Variants in PAPSS1 observed in about 807,000 individuals in gnomAD.
PAPSS1 encodes the protein bifunctional 3'-phosphoadenosine 5'-phosphosulfate synthase 1.
PAPSS1 carries 50 observed loss-of-function variants against 72.0 expected under a neutral mutation model. That is an observed-to-expected ratio of 0.69 (90% confidence interval 0.55 to 0.88). PAPSS1 has a LOEUF of 0.88. Ranked by LOEUF, PAPSS1 falls within the 40% of genes least tolerant of loss-of-function variation. PAPSS1 has a pLI of 0.00. For missense variants in PAPSS1, 657 were observed against 782.2 expected (o/e 0.84, Z 1.91); for synonymous variants, 261 against 263.6 (o/e 0.99, Z 0.09).
At position 107,706,212 on chromosome 4, in the gene PAPSS1, T is replaced by G. The variant is rs186494801; in HGVS notation, c.61-4927A>C. Among the ~76,000 whole-genome samples the G allele has an allele frequency of 2.6e-5, 4 of 152,314 alleles. No homozygotes were observed. In the East Asian group the frequency reaches 7.7e-4, roughly 29 times the overall value. ...CCCAGATTTGGAAAGTTTTCTGTTG[T>G]TATTTAAATAAGCTTTGTAACCCTC... On this transcript the variant is annotated intron_variant, in intron 1 of 11. Transcript: ENST00000265174.
At chr4:107,704,085 G>A (rs1390602928) in intron 1 of PAPSS1, among the ~76,000 whole-genome samples, 3 of 151,992 alleles carry the variant, frequency 2.0e-5, no homozygotes, top group East Asian at 3.9e-4. Flanking sequence ...GTATTCCCAA[G>A]TATTTTATTT....
At chr4:107,638,151 T>C (rs1394444292) in intron 10 of PAPSS1, among the ~76,000 whole-genome samples, 1 of 152,218 alleles carries the variant, frequency 6.6e-6, no homozygotes, top group African/African-American at 2.4e-5. Flanking sequence ...TTAAGTTCTA[T>C]TACTCTGTAC....
In PAPSS1 at chr4:107,701,315, T is replaced by C. The variant is rs767466665; in HGVS notation, c.61-30A>G. On this transcript the variant is annotated intron_variant, in intron 1 of 11. Coordinates refer to ENST00000265174, the MANE Select transcript of PAPSS1 (RefSeq NM_005443.5). Reference sequence around the variant, plus strand: ...AAAAAAAAGAAAAAAAAAATTCTAGTTTACATGAGTCCTTTAAAAGGCAAA... The same window carrying C: ...AAAAAAAAGAAAAAAAAAATTCTAGCTTACATGAGTCCTTTAAAAGGCAAA... 1.6e-5 allele frequency: 23 copies of C among 1,433,600 alleles called. No individual in the cohort carries two copies. In the South Asian group the frequency reaches 2.6e-4, roughly 16 times the overall value. 88.8% of individuals were successfully genotyped at this position (1,433,600 alleles called of 1,614,324 possible).
intron 6 of PAPSS1, among the ~76,000 whole-genome samples, 176 bp downstream of exon 6, chr4:107,659,783 T>C (rs1578404324): frequency 6.6e-6 from 1 of 152,126 alleles, no homozygotes; most frequent in Non-Finnish European, 1.5e-5. Flanking sequence ...CTTGGGAACA[T>C]GGTTGCACAA....
chr4:107,651,909 C>T (rs1280976156), intron 9 of PAPSS1, among the ~76,000 whole-genome samples: 2 of 152,182 alleles, frequency 1.3e-5, no homozygotes, highest in Non-Finnish European at 2.9e-5. Context: ...CAACAATTGT[C>T]CATGAGCCTT....
chr4:107,648,157 A>C (rs1486172763), intron 9 of PAPSS1, among the ~76,000 whole-genome samples: 6 of 152,210 alleles, frequency 3.9e-5, no homozygotes, highest in Non-Finnish European at 8.8e-5. Flanking sequence ...CAATACACTA[A>C]GGAAACAAGT....
intron 2 of PAPSS1, among the ~76,000 whole-genome samples, chr4:107,697,156 C>A (rs1381688224): frequency 1.3e-5 from 2 of 152,234 alleles, no homozygotes; most frequent in African/African-American, 2.4e-5. Context: ...AAGCTCCCAG[C>A]TGACAACCAG....
At chr4:107,632,008 G>A in intron 10 of PAPSS1, 148 bp from the exon 11 acceptor site, 3 of 609,074 alleles carry the variant, frequency 4.9e-6, no homozygotes, top group East Asian at 2.9e-5. Flanking sequence ...TGGGAAGCCA[G>A]AAACAAAACT....
chr4:107,702,418 A>G (rs1723228061), intron 1 of PAPSS1, among the ~76,000 whole-genome samples: 1 of 152,208 alleles, frequency 6.6e-6, no homozygotes, highest in Admixed American at 6.5e-5. Flanking sequence ...TATCATCACC[A>G]TGTTATACAT....
At chr4:107,655,772 TA>T (rs1392702987) in intron 7 of PAPSS1, among the ~76,000 whole-genome samples, 10 of 152,120 alleles carry the variant, frequency 6.6e-5, no homozygotes, top group Admixed American at 6.5e-4. Context: ...AATGAATAGG[TA>T]GATTTGCACC....
At chr4:107,688,455 C>T (rs1578423573) in intron 3 of PAPSS1, among the ~76,000 whole-genome samples, 3 of 152,132 alleles carry the variant, frequency 2.0e-5, no homozygotes, top group Admixed American at 2.0e-4. Context: ...GATCTTGTCT[C>T]TAAAAAAATT....
intron 9 of PAPSS1, among the ~76,000 whole-genome samples, chr4:107,650,859 C>A (rs1199715492): frequency 6.6e-6 from 1 of 151,708 alleles, no homozygotes; most frequent in Non-Finnish European, 1.5e-5. Flanking sequence ...GAAAAAAAAA[C>A]AGAATTTGTC....
At chr4:107,657,443 G>T (rs1727049418) in intron 6 of PAPSS1, among the ~76,000 whole-genome samples, 1 of 152,140 alleles carries the variant, frequency 6.6e-6, no homozygotes, top group Non-Finnish European at 1.5e-5. Flanking sequence ...TACGGCCAGA[G>T]GAGGTGGCTC....
rs531291028 is a variant in PAPSS1, at chr4:107,678,523, A to T, written c.669+3492T>A. On this transcript the variant is annotated intron_variant, in intron 5 of 11. Transcript: ENST00000265174. ...TGACAAGTCCCACCAAGAAAAGACCAGGCACATGAACTGCTTACCTTTAGC... is the reference window on the plus strand; with the variant it reads ...TGACAAGTCCCACCAAGAAAAGACCTGGCACATGAACTGCTTACCTTTAGC... Among the ~76,000 whole-genome samples the T allele has an allele frequency of 3.3e-5, 5 of 152,306 alleles. No individual in the cohort carries two copies. The East Asian group carries it at 9.7e-4, about 29-fold the overall frequency.
At chr4:107,636,849 ATTAT>A (rs1275571743) in intron 10 of PAPSS1, among the ~76,000 whole-genome samples, 2 of 152,212 alleles carry the variant, frequency 1.3e-5, no homozygotes, top group East Asian at 1.9e-4. Flanking sequence ...AAATAAACAG[ATTAT>A]TTGTTTCAAA....
chr4:107,617,554 A>AGGTACTACT (rs1428206371), intron 11 of PAPSS1, among the ~76,000 whole-genome samples: 1 of 152,196 alleles, frequency 6.6e-6, no homozygotes, highest in Non-Finnish European at 1.5e-5. Context: ...TTAAGCAGAA[A>AGGTACTACT]GGTACTACTA....
chr4:107,720,157 C>G lies in PAPSS1; in HGVS notation c.23G>C (p.Cys8Ser), dbSNP rs780229406. Reference sequence around the variant, plus strand: ...GTTATTGCTCAGTTTGACTTTCTTGCACAGGCTCCCGGGGATCTCCATGAC... The same window carrying G: ...GTTATTGCTCAGTTTGACTTTCTTGGACAGGCTCCCGGGGATCTCCATGAC... Reference protein sequence around the residue: MEIPGSLCKKVKLSNNAQ... With the variant: MEIPGSLSKKVKLSNNAQ... Residue 8 changes from cysteine (C) to serine (S), a missense_variant, in exon 1 of 12, where the codon TGC (cysteine) becomes TCC (serine). Physicochemically the swap from Cys to Ser is moderately radical, Grantham distance 112 (BLOSUM62 -1). This residue lies in a region of PAPSS1 where 48 missense variants were observed against 31.9 expected (regional missense o/e 1.51). Transcript: ENST00000265174. The G allele has an allele frequency of 1.1e-5, 18 of 1,606,110 alleles. No homozygotes were observed. In the South Asian group the frequency reaches 2.0e-4, roughly 18 times the overall value.
chr4:107,718,656 A>G (rs1723696653), intron 1 of PAPSS1, among the ~76,000 whole-genome samples: 1 of 152,314 alleles, frequency 6.6e-6, no homozygotes, highest in African/African-American at 2.4e-5. Flanking sequence ...ATTTTTCACC[A>G]CCATGTCTAG....
chr4:107,618,218 C>T (rs747428986), intron 11 of PAPSS1, among the ~76,000 whole-genome samples: 6 of 152,044 alleles, frequency 3.9e-5, no homozygotes, highest in Non-Finnish European at 7.4e-5. Context: ...ATGGAAAGGC[C>T]ACAGAGGGCT....
Sources: gnomAD v4.1 joint callset for allele counts (sites outside exome capture counted in the v4.1 genomes callset) on GRCh38, gnomAD v4.1.1 for gene constraint, gnomAD v4.1.1 regional missense constraint, MANE v1.5 for transcripts, NCBI Gene and HGNC (gene_info 2026-07-23, HGNC 2026-07-21) for gene names.